WWOX: variants seen among roughly 807,000 people sequenced by gnomAD.
The protein encoded by WWOX is WW domain-containing oxidoreductase.
WWOX carries 69 observed loss-of-function variants against 46.2 expected under a neutral mutation model. That is an observed-to-expected ratio of 1.49 (90% confidence interval 1.23 to 1.82). WWOX has a LOEUF of 1.82. Among genes scored for constraint, WWOX ranks in the 40% most tolerant of loss-of-function variants. WWOX has a pLI of 0.00. For synonymous variants in WWOX, 359 were observed against 202.6 expected, an observed-to-expected ratio of 1.77 and a Z score of -6.56; for missense variants, 919 against 542.6, an observed-to-expected ratio of 1.69 and a Z score of -6.89.
At chr16:79,037,146 C>T (rs1449029258) in intron 8 of WWOX, among the ~76,000 whole-genome samples, 5 of 152,184 alleles carry the variant, frequency 3.3e-5, no homozygotes, top group African/African-American at 4.8e-5. Flanking sequence ...GGGAGAGGAG[C>T]ACAAAGCTGC....
At position 79,106,582 on chromosome 16, in the gene WWOX, A is replaced by ATTTTTTTTTTTTTT. The variant is rs752318131; in HGVS notation, c.1057-105006_1057-104993dup. On this transcript the variant is annotated intron_variant, in intron 8 of 8. Transcript: ENST00000566780. ...CCTAAAATGACTCTTTCTTAAAATA[A>ATTTTTTTTTTTTTT]TTTTTTTTTTTTTTTTTTTTTTTTT... 140 of 79,524 alleles carry ATTTTTTTTTTTTTT rather than the reference A, an allele frequency of 1.8e-3. 15 individuals carry two copies. Among genetic ancestry groups the ATTTTTTTTTTTTTT allele is most frequent in the African/African-American group, 6.7e-3 (127 of 18,842 alleles). The allele number at this position is 79,524 out of a possible 1,614,324, so 4.9% of individuals were successfully genotyped here.
At chr16:78,710,382 G>T (rs1329696336) in intron 8 of WWOX, among the ~76,000 whole-genome samples, 1 of 148,944 alleles carries the variant, frequency 6.7e-6, no homozygotes, top group African/African-American at 2.5e-5. Context: ...TAACCCTCCA[G>T]AGCCTTCCGC....
At position 78,886,322 on chromosome 16, in the gene WWOX, CTG is replaced by C. The variant is rs543979412; in HGVS notation, c.1057-325285_1057-325284del. ...CATTTACTTTTTGCCTCATGAATCT[CTG>C]AGTACATTTTGTGCATTCTGTATTC... On this transcript the variant is annotated intron_variant, in intron 8 of 8. Coordinates refer to ENST00000566780, the MANE Select transcript of WWOX (RefSeq NM_016373.4). Among the ~76,000 whole-genome samples the C allele has an allele frequency of 1.2e-4, 18 of 149,404 alleles. 1 individual carries two copies. In the East Asian group the frequency reaches 3.3e-3, roughly 28 times the overall value.
intron 8 of WWOX, among the ~76,000 whole-genome samples, chr16:78,869,692 C>T (rs187448585): frequency 6.6e-6 from 1 of 152,270 alleles, no homozygotes; most frequent in African/African-American, 2.4e-5. Context: ...CAGTGCATCG[C>T]CCACTCTGAT....
At chr16:78,313,241 C>T (rs1384732806) in intron 5 of WWOX, among the ~76,000 whole-genome samples, 2 of 152,168 alleles carry the variant, frequency 1.3e-5, no homozygotes, top group African/African-American at 2.4e-5. Flanking sequence ...GACTGGGATC[C>T]TTGACTTCCT....
chr16:79,085,199 C>T (rs796239560), intron 8 of WWOX, among the ~76,000 whole-genome samples: 18 of 152,324 alleles, frequency 1.2e-4, no homozygotes, highest in African/African-American at 3.6e-4. Flanking sequence ...TTGTCTCTCT[C>T]TCTCTTTCTC....
chr16:79,129,668 C>A (rs1041934386), intron 8 of WWOX, among the ~76,000 whole-genome samples: 3 of 152,090 alleles, frequency 2.0e-5, no homozygotes, highest in Non-Finnish European at 4.4e-5. Context: ...TCCCAACATT[C>A]CTTTATGGAC....
chr16:78,715,322 A>G lies in WWOX; in HGVS notation c.1056+282570A>G, dbSNP rs559588008. On this transcript the variant is annotated intron_variant, in intron 8 of 8. Coordinates refer to ENST00000566780, the MANE Select transcript of WWOX (RefSeq NM_016373.4). ...TGTCACTGGTCCAGCCGGCTCAGCA[A>G]CTGCACATTTGTCAAAGTTCTTCAT... Among the ~76,000 whole-genome samples the G allele has an allele frequency of 3.9e-5, 6 of 152,284 alleles. No homozygotes were observed. In the East Asian group the frequency reaches 1.2e-3, roughly 29 times the overall value.
chr16:78,468,493 G>A (rs1444558984), intron 8 of WWOX, among the ~76,000 whole-genome samples: 1 of 152,084 alleles, frequency 6.6e-6, no homozygotes, highest in Non-Finnish European at 1.5e-5. Flanking sequence ...ATGGAATGCT[G>A]TTCTTGGAAG....
intron 8 of WWOX, among the ~76,000 whole-genome samples, chr16:78,481,645 A>AAAAAAAGAT (rs79950393): frequency 0.029 from 4,376 of 148,794 alleles, 141 homozygotes; most frequent in African/African-American, 0.07. Context: ...GAAAAAAAAA[A>AAAAAAAGAT]AGAATGTTTT....
chr16:78,997,760 G>C (rs1010074566), intron 8 of WWOX, among the ~76,000 whole-genome samples: 1 of 152,082 alleles, frequency 6.6e-6, no homozygotes, highest in Non-Finnish European at 1.5e-5. Flanking sequence ...AGAGAGGATA[G>C]CAATTGTAAG....
chr16:78,181,957 C>T (rs545978506), intron 5 of WWOX, among the ~76,000 whole-genome samples: 5 of 152,228 alleles, frequency 3.3e-5, no homozygotes, highest in Non-Finnish European at 5.9e-5. Flanking sequence ...TTAGCCTCCG[C>T]GAGTTCCTTT....
intron 8 of WWOX, among the ~76,000 whole-genome samples, chr16:78,965,206 A>G (rs1169796344): frequency 6.6e-6 from 1 of 152,244 alleles, no homozygotes; most frequent in East Asian, 1.9e-4. Flanking sequence ...TGTTTCCATC[A>G]GTAACATGGG....
chr16:78,996,376 A>ACCCCCCCCCCCCCC (rs1338159064), intron 8 of WWOX: 2 of 438,792 alleles, frequency 4.6e-6, no homozygotes, highest in Non-Finnish European at 5.2e-6. Flanking sequence ...TTCTGCACCC[A>ACCCCCCCCCCCCCC]CCCCCGCCCC....
rs145073746 is a variant in WWOX at position 78,661,868 on chromosome 16, C to T, written c.1056+229116C>T. On this transcript the variant is annotated intron_variant, in intron 8 of 8. Transcript: ENST00000566780. ...CCTGGGCAAACAGCCTGAGGCAAAA[C>T]CTCATCTCTACAAAAAATACAAAAA... Among the ~76,000 whole-genome samples, 236 of 152,274 alleles carry T rather than the reference C, an allele frequency of 1.5e-3. 8 individuals carry two copies. In the East Asian group the frequency reaches 0.038, roughly 25 times the overall value.
At chr16:79,037,059 C>T (rs1227873473) in intron 8 of WWOX, among the ~76,000 whole-genome samples, 1 of 152,160 alleles carries the variant, frequency 6.6e-6, no homozygotes, top group African/African-American at 2.4e-5. Flanking sequence ...GTTAAGAATG[C>T]AGGGCTCTTC....
At chr16:78,407,238 G>A (rs926979166) in intron 6 of WWOX, among the ~76,000 whole-genome samples, 1 of 152,122 alleles carries the variant, frequency 6.6e-6, no homozygotes, top group Non-Finnish European at 1.5e-5. Context: ...GAAGACTGTG[G>A]GTCCTTGGGC....
At chr16:78,908,326 G>A (rs540767462) in intron 8 of WWOX, among the ~76,000 whole-genome samples, 2 of 152,188 alleles carry the variant, frequency 1.3e-5, no homozygotes, top group South Asian at 4.1e-4. Context: ...GTTCAACTGA[G>A]GTCAGGAGTT....
At chr16:78,788,025 T>C (rs936230953) in intron 8 of WWOX, among the ~76,000 whole-genome samples, 1 of 152,188 alleles carries the variant, frequency 6.6e-6, no homozygotes, top group East Asian at 1.9e-4. Flanking sequence ...TAAAAGTTGT[T>C]TATATATTTT....
Sources: allele counts gnomAD v4.1 joint callset (sites outside exome capture counted in the v4.1 genomes callset), GRCh38; gene constraint gnomAD v4.1.1; transcripts MANE v1.5; gene names NCBI Gene and HGNC (gene_info 2026-07-23, HGNC 2026-07-21).